The following CCR3 variants were observed in gnomAD, a reference collection of about 807,000 sequenced individuals.
CCR3 encodes C-C motif chemokine receptor 3, also known as C-C chemokine receptor type 3.
For missense variants in CCR3, 419 were observed against 437.5 expected, an observed-to-expected ratio of 0.96 and a Z score of 0.38; for synonymous variants, 203 against 179.2, an observed-to-expected ratio of 1.13 and a Z score of -1.06.
chr3:46,246,120 T>G (rs936508256), intron 1 of CCR3, among the ~76,000 whole-genome samples: 1 of 152,220 alleles, frequency 6.6e-6, no homozygotes, highest in African/African-American at 2.4e-5. Flanking sequence ...GAACATAATA[T>G]TTCAGATGTG....
Position 46,265,446 on chromosome 3 carries a change from G to T in CCR3, c.288G>T (p.Gly96=). The change falls in exon 2 of 2, where the codon GGG becomes GGT. Residue 96 remains glycine, a synonymous_variant. Transcript: ENST00000395940. ...TLPFWIHYVR[G]HNWVFGHGMC... ...CATTCTGGATCCACTATGTCAGGGG[G>T]CATAACTGGGTTTTTGGCCATGGCA... 6.2e-7 allele frequency: 1 copy of T among 1,614,150 alleles called. No homozygotes were observed. Among genetic ancestry groups the T allele is most frequent in the Non-Finnish European group, 8.5e-7 (1 of 1,180,012 alleles).
At chr3:46,260,839 G>A (rs1279477934) in intron 1 of CCR3, among the ~76,000 whole-genome samples, 1 of 152,182 alleles carries the variant, frequency 6.6e-6, no homozygotes, top group Non-Finnish European at 1.5e-5. Flanking sequence ...ATCAAGAGTA[G>A]ACTAATAATC....
upstream of CCR3, among the ~76,000 whole-genome samples, chr3:46,241,418 G>A (rs1330863159): frequency 6.6e-6 from 1 of 152,140 alleles, no homozygotes. Flanking sequence ...GGTCCCAAGG[G>A]ACACATCAGC....
At chr3:46,249,553 C>T (rs926306710) in intron 1 of CCR3, among the ~76,000 whole-genome samples, 17 of 152,272 alleles carry the variant, frequency 1.1e-4, no homozygotes, top group African/African-American at 3.1e-4. Flanking sequence ...GCTTCCGAGG[C>T]GATCAGGCTG....
chr3:46,214,905 C>G (rs1295004096), intron 2 of CCR3, among the ~76,000 whole-genome samples: 2 of 152,178 alleles, frequency 1.3e-5, no homozygotes, highest in South Asian at 4.1e-4. Flanking sequence ...ATGTCCCTTC[C>G]TGTCCCCAAA....
chr3:46,234,229 A>C (rs1699999026), intron 2 of CCR3, among the ~76,000 whole-genome samples: 1 of 152,226 alleles, frequency 6.6e-6, no homozygotes, highest in Admixed American at 6.5e-5. Context: ...AGGACTTCTC[A>C]GGGGCCTTTA....
chr3:46,265,870 A>C lies in CCR3; in HGVS notation c.712A>C (p.Ile238Leu). The C allele has an allele frequency of 6.2e-7, 1 of 1,614,144 alleles. No homozygotes were observed. The highest frequency in any genetic ancestry group is 1.7e-5 in the Admixed American group (1 of 60,024). The change falls in exon 2 of 2, where the codon ATC becomes CTC. Residue 238 changes from isoleucine to leucine, a missense_variant. Physicochemically the swap from Ile to Leu is conservative, Grantham distance 5. Transcript: ENST00000395940. ...CCCCAGTAAAAAAAAGTACAAGGCC[A>C]TCCGGCTCATTTTTGTCATCATGGC... ...RCPSKKKYKAIRLIFVIMAVF... is the reference protein window; with the variant it reads ...RCPSKKKYKALRLIFVIMAVF...
At chr3:46,264,540 T>C in intron 1 of CCR3, 1 of 814,028 alleles carries the variant, frequency 1.2e-6, no homozygotes, top group Non-Finnish European at 1.9e-6. Flanking sequence ...GGATAGAGAC[T>C]AAAGATCTAG....
intron 2 of CCR3, among the ~76,000 whole-genome samples, chr3:46,224,988 G>C (rs933066948): frequency 6.6e-6 from 1 of 152,134 alleles, no homozygotes; most frequent in African/African-American, 2.4e-5. Flanking sequence ...ATGTGTTCAA[G>C]AATGTTGTTA....
chr3:46,236,310 C>T (rs991811424), intron 2 of CCR3, among the ~76,000 whole-genome samples: 1 of 152,190 alleles, frequency 6.6e-6, no homozygotes, highest in Non-Finnish European at 1.5e-5. Context: ...GAACTCAGAG[C>T]AGCAGAGAGA....
intron 1 of CCR3, among the ~76,000 whole-genome samples, chr3:46,255,236 G>A (rs1166513484): frequency 6.6e-6 from 1 of 151,864 alleles, no homozygotes; most frequent in East Asian, 1.9e-4. Flanking sequence ...ACTTTTTGAT[G>A]GGATTATTTG....
intron 2 of CCR3, among the ~76,000 whole-genome samples, chr3:46,235,463 A>G (rs1468018801): frequency 6.6e-6 from 1 of 152,228 alleles, no homozygotes. Context: ...TGCAGGTACT[A>G]TAATGATCTT....
At chr3:46,210,931 C>T (rs199708747) in intron 2 of CCR3, 3 of 152,222 alleles carry the variant, frequency 2.0e-5, no homozygotes, top group Non-Finnish European at 2.9e-5. Context: ...GTGTTGCCTC[C>T]GCTATGTTAG....
At chr3:46,229,037 G>C (rs1396413718) in intron 2 of CCR3, among the ~76,000 whole-genome samples, 1 of 152,206 alleles carries the variant, frequency 6.6e-6, no homozygotes, top group Non-Finnish European at 1.5e-5. Context: ...ATATGTGAGA[G>C]CTTTGATAGC....
intron 2 of CCR3, among the ~76,000 whole-genome samples, chr3:46,215,010 C>T (rs1699757883): frequency 6.6e-6 from 1 of 152,096 alleles, no homozygotes; most frequent in African/African-American, 2.4e-5. Flanking sequence ...CCAACTAGAA[C>T]CTGGTAGGTC....
chr3:46,232,523 C>A (rs921953246), intron 2 of CCR3, among the ~76,000 whole-genome samples: 7 of 152,210 alleles, frequency 4.6e-5, no homozygotes, highest in African/African-American at 1.7e-4. Flanking sequence ...AGGGATTGGG[C>A]CTGCCTCAGT....
intron 1 of CCR3, among the ~76,000 whole-genome samples, chr3:46,260,104 A>G (rs534034244): frequency 1.3e-5 from 2 of 152,272 alleles, no homozygotes; most frequent in Non-Finnish European, 2.9e-5. Flanking sequence ...ATCCCGTGAG[A>G]CTCATTCACT....
At chr3:46,238,589 C>CTT (rs1700045670), upstream of CCR3, among the ~76,000 whole-genome samples, 1 of 152,146 alleles carries the variant, frequency 6.6e-6, no homozygotes. Flanking sequence ...CTGGGGATAA[C>CTT]TTCTCTTAGT....
chr3:46,246,966 G>A (rs982395017), intron 1 of CCR3, among the ~76,000 whole-genome samples: 3 of 151,924 alleles, frequency 2.0e-5, no homozygotes, highest in Admixed American at 6.6e-5. Context: ...TAGAATGATT[G>A]GTGATGGCCT....
Sources: gnomAD v4.1 joint callset for allele counts (sites outside exome capture counted in the v4.1 genomes callset) on GRCh38, gnomAD v4.1.1 for gene constraint, MANE v1.5 for transcripts, NCBI Gene and HGNC (gene_info 2026-07-23, HGNC 2026-07-21) for gene names.